Variants in CSMD1 observed in about 807,000 individuals in gnomAD.
The protein encoded by CSMD1 is CUB and sushi domain-containing protein 1.
CSMD1 carries 213 observed loss-of-function variants against 417.5 expected under a neutral mutation model. The observed-to-expected ratio is 0.51, with a 90% confidence interval of 0.46 to 0.57. The LOEUF is 0.57. Among genes scored for constraint, CSMD1 ranks in the 20% least tolerant of loss-of-function variants. The pLI, the probability that CSMD1 is intolerant of heterozygous loss-of-function variation, is 0.00. For missense variants in CSMD1, 6,923 were observed against 4,529.7 expected, an observed-to-expected ratio of 1.53 and a Z score of -15.17; for synonymous variants, 2,862 against 1,736.8, an observed-to-expected ratio of 1.65 and a Z score of -16.11.
At chr8:3,986,713 C>T (rs1001233176) in intron 5 of CSMD1, among the ~76,000 whole-genome samples, 1 of 152,056 alleles carries the variant, frequency 6.6e-6, no homozygotes, top group Non-Finnish European at 1.5e-5. Flanking sequence ...GAAAATTTAT[C>T]ATGTTTCAGT....
At chr8:4,979,733 G>C (rs1390884245) in intron 1 of CSMD1, among the ~76,000 whole-genome samples, 1 of 152,146 alleles carries the variant, frequency 6.6e-6, no homozygotes, top group Admixed American at 6.5e-5. Flanking sequence ...AAATCATATT[G>C]ATATAAAACA....
At chr8:2,941,644 G>T (rs1314148453) in intron 69 of CSMD1, among the ~76,000 whole-genome samples, 2 of 152,166 alleles carry the variant, frequency 1.3e-5, no homozygotes, top group Non-Finnish European at 2.9e-5. Flanking sequence ...AAAGTTGTTT[G>T]TCCCCAAGTT....
intron 1 of CSMD1, among the ~76,000 whole-genome samples, chr8:4,756,400 G>C (rs556320681): frequency 6.6e-6 from 1 of 152,124 alleles, no homozygotes; most frequent in Non-Finnish European, 1.5e-5. Flanking sequence ...ACCCGACCAA[G>C]TTGAAGAACA....
At chr8:4,886,136 A>G (rs1038770735) in intron 1 of CSMD1, among the ~76,000 whole-genome samples, 1 of 151,984 alleles carries the variant, frequency 6.6e-6, no homozygotes, top group African/African-American at 2.4e-5. Flanking sequence ...GACCACAGGC[A>G]CATGCCACGA....
At chr8:4,893,468 C>G (rs1804266197) in intron 1 of CSMD1, among the ~76,000 whole-genome samples, 1 of 151,934 alleles carries the variant, frequency 6.6e-6, no homozygotes, top group Non-Finnish European at 1.5e-5. Context: ...TATTTGTTGT[C>G]TTTAAGAGCT....
intron 1 of CSMD1, among the ~76,000 whole-genome samples, chr8:4,818,105 C>G (rs781523832): frequency 6.6e-6 from 1 of 152,102 alleles, no homozygotes; most frequent in Non-Finnish European, 1.5e-5. Flanking sequence ...ACATGTAATA[C>G]AGAACTAAAA....
At chr8:3,909,328 G>A (rs754800406) in intron 5 of CSMD1, among the ~76,000 whole-genome samples, 1 of 152,114 alleles carries the variant, frequency 6.6e-6, no homozygotes. Context: ...TGATTCGTGT[G>A]GGCATCCTTG....
At chr8:3,157,120 C>G (rs1819585325) in intron 39 of CSMD1, among the ~76,000 whole-genome samples, 1 of 151,966 alleles carries the variant, frequency 6.6e-6, no homozygotes, top group Non-Finnish European at 1.5e-5. Flanking sequence ...AAGTAACTGA[C>G]CATGATCCTA....
intron 3 of CSMD1, among the ~76,000 whole-genome samples, chr8:4,253,536 G>T (rs558323732): frequency 6.6e-6 from 1 of 152,232 alleles, no homozygotes; most frequent in East Asian, 1.9e-4. Flanking sequence ...AGAAAAGGAT[G>T]ATGTTATTTA....
intron 52 of CSMD1, among the ~76,000 whole-genome samples, chr8:3,005,330 A>G (rs1350300574): frequency 6.6e-6 from 1 of 152,096 alleles, no homozygotes. Context: ...TGTCTGATGA[A>G]AGCTTTGTTA....
At chr8:4,781,267 C>T (rs1797138616) in intron 1 of CSMD1, among the ~76,000 whole-genome samples, 2 of 152,210 alleles carry the variant, frequency 1.3e-5, no homozygotes, top group South Asian at 2.1e-4. Flanking sequence ...TGCCCTCCTG[C>T]AGTGGATCAG....
chr8:3,366,011 A>G (rs1203592577), intron 20 of CSMD1, among the ~76,000 whole-genome samples: 1 of 152,196 alleles, frequency 6.6e-6, no homozygotes, highest in Non-Finnish European at 1.5e-5. Context: ...ACATAATCTC[A>G]TAAGTGGCAT....
chr8:3,802,791 T>G (rs938264416), intron 5 of CSMD1, among the ~76,000 whole-genome samples: 13 of 152,180 alleles, frequency 8.5e-5, no homozygotes, highest in African/African-American at 2.9e-4. Context: ...TCCCTTTGCT[T>G]TAACTAAAGA....
chr8:4,567,509 T>C (rs1365767200), intron 2 of CSMD1, among the ~76,000 whole-genome samples: 1 of 152,158 alleles, frequency 6.6e-6, no homozygotes, highest in African/African-American at 2.4e-5. Flanking sequence ...CACTCCAACT[T>C]AGAAATCGCA....
At chr8:4,333,184 A>G (rs1422182940) in intron 3 of CSMD1, among the ~76,000 whole-genome samples, 1 of 152,124 alleles carries the variant, frequency 6.6e-6, no homozygotes, top group Non-Finnish European at 1.5e-5. Flanking sequence ...GCAAGTTGGG[A>G]TATCATGCCA....
At chr8:3,226,576 T>C (rs1453517066) in intron 27 of CSMD1, among the ~76,000 whole-genome samples, 1 of 137,918 alleles carries the variant, frequency 7.3e-6, no homozygotes, top group Non-Finnish European at 1.5e-5. Flanking sequence ...AGCAAGACTC[T>C]GTCTCAAAAA....
At chr8:3,499,744 C>G (rs1161219491) in intron 10 of CSMD1, among the ~76,000 whole-genome samples, 1 of 151,964 alleles carries the variant, frequency 6.6e-6, no homozygotes, top group Non-Finnish European at 1.5e-5. Flanking sequence ...CTGAGTGCAG[C>G]TGGGGTCATA....
chr8:3,549,356 G>A (rs1046869512), intron 10 of CSMD1, among the ~76,000 whole-genome samples: 20 of 152,182 alleles, frequency 1.3e-4, no homozygotes, highest in African/African-American at 3.9e-4. Context: ...TAGGCCAAGT[G>A]GTCTCAGATA....
chr8:4,182,107 C>T (rs1206432179), intron 3 of CSMD1, among the ~76,000 whole-genome samples: 3 of 151,526 alleles, frequency 2.0e-5, no homozygotes, highest in Non-Finnish European at 4.4e-5. Flanking sequence ...CATTTCAATG[C>T]TAAAACTTAA....
Sources: allele counts gnomAD v4.1 joint callset (sites outside exome capture counted in the v4.1 genomes callset), GRCh38; gene constraint gnomAD v4.1.1; transcripts MANE v1.5; gene names NCBI Gene and HGNC (gene_info 2026-07-23, HGNC 2026-07-21).